PTPRT: variants seen among roughly 807,000 people sequenced by gnomAD.
PTPRT encodes protein tyrosine phosphatase receptor type T, also known as receptor-type tyrosine-protein phosphatase T.
PTPRT carries 56 observed loss-of-function variants against 176.8 expected under a neutral mutation model. The ratio of observed to expected loss-of-function variants is 0.32; its 90% confidence interval spans 0.26 to 0.40. PTPRT has a LOEUF of 0.40. PTPRT is among the 10% of genes least tolerant of loss of function. The pLI, the probability that PTPRT is intolerant of heterozygous loss-of-function variation, is 1.00. For synonymous variants in PTPRT, 783 were observed against 739.0 expected, an observed-to-expected ratio of 1.06 and a Z score of -0.96; for missense variants, 1,540 against 1,908.2, an observed-to-expected ratio of 0.81 and a Z score of 3.60.
At chr20:42,646,749 A>G (rs2074909728) in intron 7 of PTPRT, among the ~76,000 whole-genome samples, 1 of 151,794 alleles carries the variant, frequency 6.6e-6, no homozygotes, top group African/African-American at 2.4e-5. Flanking sequence ...CTAAGGGGAT[A>G]CTTAACCTGA....
chr20:42,380,203 T>C (rs1231749572), intron 9 of PTPRT, among the ~76,000 whole-genome samples: 1 of 152,164 alleles, frequency 6.6e-6, no homozygotes, highest in Non-Finnish European at 1.5e-5. Flanking sequence ...CCTGCCTCAG[T>C]TTCCTTATCC....
chr20:43,020,127 TAC>T (rs59065894), intron 1 of PTPRT, among the ~76,000 whole-genome samples: 47,629 of 133,526 alleles, frequency 0.36, 8,274 homozygotes, highest in African/African-American at 0.47. Flanking sequence ...TATATATATA[TAC>T]ATATGCATGT....
intron 2 of PTPRT, among the ~76,000 whole-genome samples, chr20:42,831,130 A>G (rs942122273): frequency 6.6e-6 from 1 of 152,204 alleles, no homozygotes; most frequent in African/African-American, 2.4e-5. Context: ...TTCAAACCAT[A>G]CTACAGGGCT....
At chr20:42,369,173 G>A (rs1387064826) in intron 9 of PTPRT, among the ~76,000 whole-genome samples, 4 of 151,666 alleles carry the variant, frequency 2.6e-5, no homozygotes, top group Non-Finnish European at 5.9e-5. Flanking sequence ...GTGTTGCCCA[G>A]ACTGGATCTG....
chr20:42,857,426 C>A (rs2078584132), intron 2 of PTPRT, among the ~76,000 whole-genome samples: 1 of 152,176 alleles, frequency 6.6e-6, no homozygotes, highest in Non-Finnish European at 1.5e-5. Flanking sequence ...CCATTTCCAT[C>A]CATATCTCTC....
chr20:42,658,767 G>T (rs537882326), intron 7 of PTPRT, among the ~76,000 whole-genome samples: 1 of 152,168 alleles, frequency 6.6e-6, no homozygotes, highest in Non-Finnish European at 1.5e-5. Flanking sequence ...TAGTATTCAG[G>T]ATCCATAAAA....
intron 19 of PTPRT, 133 bp from the exon 20 acceptor site, chr20:42,120,104 G>T: frequency 1.4e-6 from 1 of 724,438 alleles, no homozygotes. Flanking sequence ...TATTCCCAGA[G>T]AAGTGGCAAA....
intron 19 of PTPRT, 69 bp downstream of exon 19, chr20:42,128,685 T>A (rs1987975570): frequency 7.3e-7 from 1 of 1,372,592 alleles, no homozygotes; most frequent in East Asian, 2.5e-5. Context: ...GGAGGAGAGT[T>A]TGGGGTAAAC....
chr20:42,263,103 G>T (rs2056777294), intron 13 of PTPRT, among the ~76,000 whole-genome samples: 1 of 152,106 alleles, frequency 6.6e-6, no homozygotes, highest in African/African-American at 2.4e-5. Context: ...AAATTGGAGA[G>T]ATAAAAAAGG....
At chr20:42,384,086 A>G (rs112683381) in intron 9 of PTPRT, among the ~76,000 whole-genome samples, 153 of 152,310 alleles carry the variant, frequency 1.0e-3, no homozygotes, top group Non-Finnish European at 1.8e-3. Context: ...ATACCTTGCA[A>G]TGTTGTGAGT....
intron 2 of PTPRT, among the ~76,000 whole-genome samples, chr20:42,808,168 C>T (rs1173137443): frequency 1.3e-5 from 2 of 152,192 alleles, no homozygotes; most frequent in Non-Finnish European, 2.9e-5. Flanking sequence ...GTCCTGAGGT[C>T]TGCGTCAACT....
chr20:42,267,781 A>G (rs570424458), intron 13 of PTPRT, among the ~76,000 whole-genome samples: 2 of 152,338 alleles, frequency 1.3e-5, no homozygotes, highest in South Asian at 4.1e-4. Flanking sequence ...TAGAGAATGA[A>G]TTCCTTGAAG....
At chr20:42,559,817 T>G (rs1385735713) in intron 7 of PTPRT, among the ~76,000 whole-genome samples, 1 of 152,228 alleles carries the variant, frequency 6.6e-6, no homozygotes, top group East Asian at 1.9e-4. Context: ...CAATTCCATT[T>G]TTAAAGTTCA....
At chr20:42,160,715 C>T (rs533476316) in intron 17 of PTPRT, among the ~76,000 whole-genome samples, 1 of 152,312 alleles carries the variant, frequency 6.6e-6, no homozygotes, top group East Asian at 1.9e-4. Flanking sequence ...CTATTATTCC[C>T]CAAACCTCGG....
chr20:42,931,458 C>T (rs192145135), intron 1 of PTPRT, among the ~76,000 whole-genome samples: 2 of 152,298 alleles, frequency 1.3e-5, no homozygotes, highest in East Asian at 3.9e-4. Context: ...GCAGTCTATG[C>T]ATTTTGTCAT....
intron 9 of PTPRT, among the ~76,000 whole-genome samples, chr20:42,397,671 T>C (rs565713293): frequency 2.0e-4 from 31 of 152,216 alleles, no homozygotes; most frequent in Non-Finnish European, 4.3e-4. Flanking sequence ...ATGTAACACA[T>C]TGCTTTATTT....
chr20:43,169,459 C>A (rs777983656), intron 1 of PTPRT, among the ~76,000 whole-genome samples: 1 of 152,152 alleles, frequency 6.6e-6, no homozygotes, highest in Middle Eastern at 3.2e-3. Context: ...GTTGATTGAG[C>A]TTTCATCACT....
At chr20:42,633,784 AATATATATATAT>A (rs752371452) in intron 7 of PTPRT, among the ~76,000 whole-genome samples, 40 of 53,380 alleles carry the variant, frequency 7.5e-4, no homozygotes, top group African/African-American at 2.6e-3. Context: ...AGACTCTGAA[AATATATATATAT>A]ATATATATAT....
At chr20:43,029,398 G>A (rs151248049) in intron 1 of PTPRT, among the ~76,000 whole-genome samples, 13 of 152,272 alleles carry the variant, frequency 8.5e-5, no homozygotes, top group African/African-American at 2.4e-4. Flanking sequence ...CACCAACTTC[G>A]GCAGCAGAGA....
Sources: allele counts gnomAD v4.1 joint callset (sites outside exome capture counted in the v4.1 genomes callset), GRCh38; gene constraint gnomAD v4.1.1; transcripts MANE v1.5; gene names NCBI Gene and HGNC (gene_info 2026-07-23, HGNC 2026-07-21).